Variants in FSTL5 observed in about 807,000 individuals in gnomAD.
FSTL5 encodes the protein follistatin-related protein 5.
FSTL5 carries 62 observed loss-of-function variants against 89.1 expected under a neutral mutation model. The ratio of observed to expected loss-of-function variants is 0.70; its 90% CI spans 0.57 to 0.86. The LOEUF (loss-of-function observed/expected upper bound fraction) is 0.86, where lower values mean the gene tolerates loss of function less well. FSTL5 is among the 40% of genes least tolerant of loss of function. The probability of loss-of-function intolerance (pLI) is 0.00; values close to 1 mark genes in which losing one functional copy is unlikely to be tolerated. For missense variants in FSTL5, 1,057 were observed against 1,001.6 expected (o/e 1.06, Z -0.75); for synonymous variants, 383 against 346.2 (o/e 1.11, Z -1.18).
rs1213496649 is a variant in FSTL5 at position 161,718,013 on chromosome 4, A to G, written c.727+41398T>C. Among the ~76,000 whole-genome samples the G allele has an allele frequency of 5.3e-5, 8 of 152,188 alleles. No individual in the cohort carries two copies. In the East Asian group the frequency reaches 1.5e-3, roughly 29 times the overall value. Reference sequence around the variant, plus strand: ...CAAAAAGAAAAAGTTATTTATGTTTATCACCTAATATTTGAAAAGACTGCT... The same window carrying G: ...CAAAAAGAAAAAGTTATTTATGTTTGTCACCTAATATTTGAAAAGACTGCT... On this transcript the variant is annotated intron_variant, in intron 6 of 15. Coordinates refer to ENST00000306100, the MANE Select transcript of FSTL5 (RefSeq NM_020116.5).
chr4:161,402,732 C>G (rs868052887), intron 15 of FSTL5, among the ~76,000 whole-genome samples: 3 of 152,020 alleles, frequency 2.0e-5, no homozygotes, highest in African/African-American at 7.2e-5. Flanking sequence ...ATGCCATTTA[C>G]TATACAATCA....
At position 161,920,293 on chromosome 4, in the gene FSTL5, T is replaced by A. The variant is rs758409177; in HGVS notation, c.409+111A>T. The A allele has an allele frequency of 2.8e-6, 3 of 1,072,038 alleles. No individual in the cohort carries two copies. In the African/African-American group the frequency reaches 4.8e-5, roughly 17 times the overall value. The allele number at this position is 1,072,038 out of a possible 1,614,324, so 66.4% of individuals were successfully genotyped here. ...TGGAGTACTTAGGCTATTTTGTGTT[T>A]CTTTTCCTTTTTAGACCCTTGCTGA... On this transcript the variant is annotated intron_variant, in intron 4 of 15. Transcript: ENST00000306100.
At chr4:161,491,010 A>T (rs1409943746) in intron 12 of FSTL5, among the ~76,000 whole-genome samples, 1 of 152,062 alleles carries the variant, frequency 6.6e-6, no homozygotes, top group Non-Finnish European at 1.5e-5. Flanking sequence ...TTTTACATGA[A>T]AACAGAAATA....
chr4:161,854,448 T>G (rs997520510), intron 4 of FSTL5, among the ~76,000 whole-genome samples: 2 of 152,172 alleles, frequency 1.3e-5, no homozygotes, highest in African/African-American at 4.8e-5. Context: ...ATAGAGGTTT[T>G]GATGGTAAGC....
At chr4:161,810,320 T>C (rs917317698) in intron 4 of FSTL5, among the ~76,000 whole-genome samples, 2 of 152,146 alleles carry the variant, frequency 1.3e-5, no homozygotes, top group Non-Finnish European at 1.5e-5. Flanking sequence ...ATTAGTGTAA[T>C]ACTACTAATA....
intron 2 of FSTL5, among the ~76,000 whole-genome samples, chr4:162,092,183 C>G (rs1282064772): frequency 6.6e-6 from 1 of 151,966 alleles, no homozygotes; most frequent in Non-Finnish European, 1.5e-5. Context: ...AGTTTTAGAA[C>G]TGCTTATATA....
chr4:162,084,081 C>A (rs752945197), intron 2 of FSTL5, among the ~76,000 whole-genome samples: 2 of 151,632 alleles, frequency 1.3e-5, no homozygotes, highest in African/African-American at 2.4e-5. Flanking sequence ...TATGCCCATT[C>A]GAATATTAAA....
chr4:161,545,595 C>T (rs1457109006), intron 8 of FSTL5, among the ~76,000 whole-genome samples: 1 of 151,958 alleles, frequency 6.6e-6, no homozygotes, highest in Non-Finnish European at 1.5e-5. Context: ...TTCTGGTAGG[C>T]AGCCTCAACT....
chr4:161,948,278 G>C (rs183199757), intron 3 of FSTL5, among the ~76,000 whole-genome samples: 1 of 129,970 alleles, frequency 7.7e-6, no homozygotes, highest in Non-Finnish European at 1.6e-5. Flanking sequence ...GCAAGATCCT[G>C]TACCTAAAGA....
chr4:161,565,631 G>A (rs1732770156), intron 8 of FSTL5, among the ~76,000 whole-genome samples: 1 of 151,470 alleles, frequency 6.6e-6, no homozygotes, highest in African/African-American at 2.4e-5. Context: ...AATCCCATGT[G>A]GGTCAGAAAA....
chr4:161,581,951 A>G (rs1234825506), intron 8 of FSTL5, among the ~76,000 whole-genome samples: 2 of 152,242 alleles, frequency 1.3e-5, no homozygotes, highest in Non-Finnish European at 2.9e-5. Context: ...CTTTATGTAA[A>G]AAGAGAAAGA....
rs185774786 is a variant in FSTL5 at position 161,534,576 on chromosome 4, T to G, written c.1312+3590A>C. ...AAACACTGCTGAAAGAAATCAGAGA[T>G]GACACAAATGAACGGAAAAGTATTT... On this transcript the variant is annotated intron_variant, in intron 10 of 15. Transcript: ENST00000306100. Among the ~76,000 whole-genome samples the G allele has an allele frequency of 4.7e-3, 722 of 152,102 alleles. 9 individuals are homozygous for G. Among genetic ancestry groups the G allele is most frequent in the Admixed American group, 3.9e-3 (60 of 15,258 alleles).
intron 10 of FSTL5, among the ~76,000 whole-genome samples, chr4:161,531,120 G>C (rs1397932352): frequency 6.6e-6 from 1 of 152,122 alleles, no homozygotes; most frequent in Non-Finnish European, 1.5e-5. Context: ...TAACTGTAGA[G>C]TATATTATTT....
chr4:162,036,989 A>C (rs889393697), intron 2 of FSTL5, among the ~76,000 whole-genome samples: 1 of 151,868 alleles, frequency 6.6e-6, no homozygotes, highest in Admixed American at 6.6e-5. Flanking sequence ...CTGGAAACTA[A>C]AGTCCATAGA....
chr4:161,706,805 G>A (rs1223022121), intron 6 of FSTL5, among the ~76,000 whole-genome samples: 2 of 151,998 alleles, frequency 1.3e-5, no homozygotes, highest in African/African-American at 4.8e-5. Context: ...TGTTGAAATT[G>A]ATTAGTTAAT....
chr4:161,505,340 C>T (rs538085455), intron 11 of FSTL5, among the ~76,000 whole-genome samples: 1 of 152,258 alleles, frequency 6.6e-6, no homozygotes, highest in African/African-American at 2.4e-5. Flanking sequence ...TCAATAAAGT[C>T]TTTATATTAA....
intron 4 of FSTL5, among the ~76,000 whole-genome samples, chr4:161,885,729 G>A (rs558614536): frequency 2.6e-5 from 4 of 152,246 alleles, no homozygotes; most frequent in African/African-American, 9.6e-5. Flanking sequence ...GATTATAGGC[G>A]AGAGCCACTG....
In FSTL5 at chr4:161,500,186, T is replaced by C. The variant is rs1288062623; in HGVS notation, c.1340-52A>G. 3 of 1,229,888 alleles carry C rather than the reference T, an allele frequency of 2.4e-6. No homozygotes were observed. In the African/African-American group the frequency reaches 4.6e-5, roughly 19 times the overall value. The allele number at this position is 1,229,888 out of a possible 1,614,324, so 76.2% of individuals were successfully genotyped here. ...TTCAAAATATAATTATCATAAACCTTTACAACCAAAATTCAGTGCCTCTCA... is the reference window on the plus strand; with the variant it reads ...TTCAAAATATAATTATCATAAACCTCTACAACCAAAATTCAGTGCCTCTCA... On this transcript the variant is annotated intron_variant, in intron 11 of 15. Coordinates refer to ENST00000306100, the MANE Select transcript of FSTL5 (RefSeq NM_020116.5).
At chr4:161,614,918 C>G (rs1374340538) in intron 7 of FSTL5, among the ~76,000 whole-genome samples, 5 of 152,032 alleles carry the variant, frequency 3.3e-5, no homozygotes, top group African/African-American at 9.7e-5. Flanking sequence ...TCTTATGGAA[C>G]CTCAAATAGA....
Sources: gnomAD v4.1 joint callset for allele counts (sites outside exome capture counted in the v4.1 genomes callset) on GRCh38, gnomAD v4.1.1 for gene constraint, MANE v1.5 for transcripts, NCBI Gene and HGNC (gene_info 2026-07-23, HGNC 2026-07-21) for gene names.